ENOX1: variants seen among roughly 807,000 people sequenced by gnomAD.
ENOX1 encodes ecto-NOX disulfide-thiol exchanger 1.
Under a neutral mutation model 82.5 loss-of-function variants are expected in ENOX1, and 42 were observed. That is an observed-to-expected ratio of 0.51 (90% CI 0.40 to 0.66). The LOEUF (loss-of-function observed/expected upper bound fraction) is 0.66. Ranked by LOEUF, ENOX1 falls within the 30% of genes least tolerant of loss-of-function variation. The pLI, the probability that ENOX1 is intolerant of heterozygous loss-of-function variation, is 0.00. For synonymous variants in ENOX1, 271 were observed against 282.2 expected (o/e 0.96, Z 0.40); for missense variants, 608 against 811.6 (o/e 0.75, Z 3.05).
chr13:43,279,379 T>G (rs1240202889), intron 12 of ENOX1, among the ~76,000 whole-genome samples: 2 of 152,192 alleles, frequency 1.3e-5, no homozygotes, highest in Non-Finnish European at 2.9e-5. Flanking sequence ...TCTGGTCTCC[T>G]CTTTTCCCCA....
intron 2 of ENOX1, chr13:43,544,956 C>T (rs1566495695): frequency 6.6e-6 from 1 of 152,158 alleles, no homozygotes; most frequent in East Asian, 1.9e-4. Context: ...CTATATTGAA[C>T]ACAGAGGTCC....
At chr13:43,471,237 T>C (rs576779486) in intron 3 of ENOX1, among the ~76,000 whole-genome samples, 73 of 152,202 alleles carry the variant, frequency 4.8e-4, no homozygotes, top group African/African-American at 1.7e-3. Context: ...TAGAGTATGG[T>C]TCCATTTATA....
At chr13:43,409,443 A>C (rs1015836113) in intron 5 of ENOX1, among the ~76,000 whole-genome samples, 9 of 152,202 alleles carry the variant, frequency 5.9e-5, no homozygotes, top group Admixed American at 4.6e-4. Flanking sequence ...GAAAGAAAGA[A>C]ATAAGAACAA....
At chr13:43,390,869 T>C (rs1452951605) in intron 5 of ENOX1, among the ~76,000 whole-genome samples, 1 of 152,176 alleles carries the variant, frequency 6.6e-6, no homozygotes, top group East Asian at 1.9e-4. Flanking sequence ...TTTTCGGTTT[T>C]GTTTTTGCTT....
At chr13:43,427,660 C>T (rs78339485) in intron 3 of ENOX1, among the ~76,000 whole-genome samples, 7,562 of 152,134 alleles carry the variant, frequency 0.05, 203 homozygotes, top group South Asian at 0.091. Flanking sequence ...ATACCAAGAA[C>T]GTAATAGTGA....
chr13:43,656,300 A>G (rs1282542690), intron 2 of ENOX1, among the ~76,000 whole-genome samples: 1 of 152,230 alleles, frequency 6.6e-6, no homozygotes, highest in Non-Finnish European at 1.5e-5. Context: ...TGCAATTGTA[A>G]TCAGTAATGC....
chr13:43,628,003 A>AT (rs1421703526), intron 2 of ENOX1, among the ~76,000 whole-genome samples: 2 of 151,456 alleles, frequency 1.3e-5, no homozygotes, highest in Admixed American at 1.3e-4. Flanking sequence ...TTCCTGTGTC[A>AT]TTTTTTTTCT....
intron 11 of ENOX1, among the ~76,000 whole-genome samples, chr13:43,312,625 A>G (rs369191540): frequency 2.6e-5 from 4 of 152,344 alleles, no homozygotes; most frequent in South Asian, 2.1e-4. Context: ...ACAGCAGTGA[A>G]CATCCCTATG....
chr13:43,412,159 ACT>A, intron 4 of ENOX1, 106 bp from the exon 5 acceptor site: 1 of 1,281,012 alleles, frequency 7.8e-7, no homozygotes, highest in Non-Finnish European at 1.1e-6. Flanking sequence ...ACATTCCCAA[ACT>A]ACAAAAAAAA....
intron 10 of ENOX1, among the ~76,000 whole-genome samples, chr13:43,324,335 G>C (rs2047985124): frequency 6.6e-6 from 1 of 152,148 alleles, no homozygotes; most frequent in Non-Finnish European, 1.5e-5. Context: ...TGTGGGAAAG[G>C]GTGGTGGAAA....
In ENOX1 at chr13:43,285,950, G is replaced by A. The variant is rs7337864; in HGVS notation, c.1446+12396C>T. ...TTTCATTTCTGATGAGAAGGAAATTGGCTGGTCTTCCTAATCCTGTTGCCT... is the reference window on the plus strand; with the variant it reads ...TTTCATTTCTGATGAGAAGGAAATTAGCTGGTCTTCCTAATCCTGTTGCCT... On this transcript the variant is annotated intron_variant, in intron 12 of 16. Transcript: ENST00000690772. 5.4e-3 allele frequency among the ~76,000 whole-genome samples: 817 copies of A among 151,458 alleles called. 8 individuals are homozygous for A. The highest frequency in any genetic ancestry group is 0.019 in the African/African-American group (794 of 41,242).
chr13:43,306,415 T>A (rs73176363), intron 11 of ENOX1, among the ~76,000 whole-genome samples: 3,749 of 152,196 alleles, frequency 0.025, 72 homozygotes, highest in Non-Finnish European at 0.039. Context: ...TAGGGCCATT[T>A]AAAAAAAATC....
At chr13:43,461,029 C>G (rs567632421) in intron 3 of ENOX1, among the ~76,000 whole-genome samples, 1 of 152,210 alleles carries the variant, frequency 6.6e-6, no homozygotes, top group South Asian at 2.1e-4. Flanking sequence ...CTTTAAGTTT[C>G]CTTTACACTG....
chr13:43,382,820 C>T (rs888249550), intron 5 of ENOX1, among the ~76,000 whole-genome samples: 4 of 151,988 alleles, frequency 2.6e-5, no homozygotes, highest in Non-Finnish European at 5.9e-5. Context: ...ATAACAGATA[C>T]TTTAGGTCAT....
At chr13:43,533,442 A>G (rs1301770080) in intron 2 of ENOX1, among the ~76,000 whole-genome samples, 4 of 152,090 alleles carry the variant, frequency 2.6e-5, no homozygotes, top group Non-Finnish European at 1.5e-5. Context: ...AGTCTCTGAT[A>G]TATTTTTTCC....
At chr13:43,517,261 C>A (rs2077589642) in intron 2 of ENOX1, among the ~76,000 whole-genome samples, 1 of 152,108 alleles carries the variant, frequency 6.6e-6, no homozygotes, top group Non-Finnish European at 1.5e-5. Flanking sequence ...CTTTGGGAGG[C>A]CGAGGCGGGT....
At chr13:43,692,898 T>C (rs1215209150) in intron 1 of ENOX1, among the ~76,000 whole-genome samples, 2 of 152,116 alleles carry the variant, frequency 1.3e-5, no homozygotes, top group African/African-American at 4.8e-5. Flanking sequence ...CCAGAATGTA[T>C]CCTAAATAAC....
chr13:43,301,559 C>T (rs1252468536), intron 11 of ENOX1, among the ~76,000 whole-genome samples: 2 of 131,130 alleles, frequency 1.5e-5, no homozygotes, highest in African/African-American at 2.8e-5. Context: ...TAAAAAAACC[C>T]ACAACAGCTG....
Position 43,213,575 on chromosome 13 carries a change from CAGAA to C in ENOX1, c.*411_*414del, listed in dbSNP as rs1215546441. 4.5e-5 allele frequency: 4 copies of C among 88,336 alleles called. No homozygotes were observed. The highest frequency in any genetic ancestry group is 8.4e-5 in the Non-Finnish European group (4 of 47,656). 5.5% of individuals were successfully genotyped at this position (88,336 alleles called of 1,614,324 possible). ...TTTTTTTTTTTTTTTTTTACTAAAACAGAAAGACTTTCAGGAAAATGTCATTTAA... is the reference window on the plus strand; with the variant it reads ...TTTTTTTTTTTTTTTTTTACTAAAACAGACTTTCAGGAAAATGTCATTTAA... On this transcript the variant is annotated 3_prime_UTR_variant, in exon 17 of 17. Transcript: ENST00000690772.
Sources: gnomAD v4.1 joint callset for allele counts (sites outside exome capture counted in the v4.1 genomes callset) on GRCh38, gnomAD v4.1.1 for gene constraint, MANE v1.5 for transcripts, NCBI Gene and HGNC (gene_info 2026-07-23, HGNC 2026-07-21) for gene names.